KIZ: variants seen among roughly 807,000 people sequenced by gnomAD.
KIZ encodes centrosomal protein kizuna.
In KIZ, 68 loss-of-function variants were observed where a neutral mutation model predicts 79.6. The observed-to-expected ratio is 0.85, with a 90% confidence interval of 0.70 to 1.05. KIZ has a LOEUF of 1.05. Ranked by LOEUF, KIZ falls within the 50% of genes least tolerant of loss-of-function variation. KIZ has a pLI of 0.00. For missense variants in KIZ, 797 were observed against 800.4 expected (o/e 1.00, Z 0.05); for synonymous variants, 280 against 281.8 (o/e 0.99, Z 0.06).
At chr20:21,232,597 T>G in intron 10 of KIZ, 137 bp from the exon 11 acceptor site, 1 of 593,848 alleles carries the variant, frequency 1.7e-6, no homozygotes, top group Non-Finnish European at 3.1e-6. Flanking sequence ...AGAAGCTCCC[T>G]TGCCTTCTGT....
chr20:21,150,971 G>A (rs2033089766), intron 4 of KIZ: 1 of 152,238 alleles, frequency 6.6e-6, no homozygotes, highest in Non-Finnish European at 1.5e-5. Context: ...CCAAGGAGCT[G>A]GTGGGGAGTG....
chr20:21,207,378 CA>C (rs1293366662), intron 7 of KIZ, among the ~76,000 whole-genome samples: 1 of 152,078 alleles, frequency 6.6e-6, no homozygotes, highest in Non-Finnish European at 1.5e-5. Context: ...CCCATGCCCA[CA>C]ACCCAAATTC....
At chr20:21,141,925 CCTT>C (rs954911846) in intron 3 of KIZ, among the ~76,000 whole-genome samples, 1 of 151,074 alleles carries the variant, frequency 6.6e-6, no homozygotes, top group African/African-American at 2.4e-5. Context: ...CCCCCCTCCA[CCTT>C]CTCCTGCCAT....
Position 21,236,992 on chromosome 20 carries a change from T to C in KIZ, c.1880+4162T>C, listed in dbSNP as rs184656762. On this transcript the variant is annotated intron_variant, in intron 11 of 12. Transcript: ENST00000619189. Reference sequence around the variant, plus strand: ...TCATCTGGGCAATGGAGCAAGACTCTGTTTAAAAAAAAAAAAAAAAAAATG... The same window carrying C: ...TCATCTGGGCAATGGAGCAAGACTCCGTTTAAAAAAAAAAAAAAAAAAATG... 2.9e-3 allele frequency among the ~76,000 whole-genome samples: 430 copies of C among 145,984 alleles called. 2 individuals are homozygous for C. The highest frequency in any genetic ancestry group is 0.011 in the African/African-American group (424 of 39,098).
chr20:21,174,815 T>C (rs1261745466), intron 6 of KIZ, among the ~76,000 whole-genome samples: 1 of 152,230 alleles, frequency 6.6e-6, no homozygotes, highest in Non-Finnish European at 1.5e-5. Context: ...CTCTTCAAAG[T>C]TAAGTGTAGG....
At chr20:21,157,298 C>G (rs191728000) in intron 4 of KIZ, among the ~76,000 whole-genome samples, 67 of 152,138 alleles carry the variant, frequency 4.4e-4, no homozygotes, top group African/African-American at 1.5e-3. Flanking sequence ...TTAAGGGCCA[C>G]TTTTTTATAA....
At chr20:21,217,787 C>T (rs1460827758) in intron 9 of KIZ, among the ~76,000 whole-genome samples, 2 of 152,184 alleles carry the variant, frequency 1.3e-5, no homozygotes, top group African/African-American at 4.8e-5. Context: ...TTCATGTGAA[C>T]ATTATTAGTG....
intron 2 of KIZ, among the ~76,000 whole-genome samples, chr20:21,135,473 TAAAG>T (rs1298980384): frequency 2.0e-5 from 3 of 152,228 alleles, no homozygotes; most frequent in African/African-American, 7.2e-5. Flanking sequence ...ATTAACACGA[TAAAG>T]ACTTTCTTGA....
intron 6 of KIZ, among the ~76,000 whole-genome samples, chr20:21,172,073 T>C (rs2034231934): frequency 6.6e-6 from 1 of 152,226 alleles, no homozygotes; most frequent in Non-Finnish European, 1.5e-5. Context: ...ACTCCTTGCC[T>C]GCTTTCCTAA....
At chr20:21,206,780 G>A (rs1183901325) in intron 7 of KIZ, among the ~76,000 whole-genome samples, 1 of 152,150 alleles carries the variant, frequency 6.6e-6, no homozygotes, top group East Asian at 1.9e-4. Context: ...ATTGAAGGAG[G>A]GAGCCCTGCC....
intron 11 of KIZ, among the ~76,000 whole-genome samples, chr20:21,241,944 A>G (rs1238983508): frequency 1.3e-5 from 2 of 152,142 alleles, no homozygotes; most frequent in African/African-American, 2.4e-5. Flanking sequence ...CTGAAGTGCA[A>G]TATTGAATAG....
intron 11 of KIZ, among the ~76,000 whole-genome samples, chr20:21,234,456 C>T (rs1190978858): frequency 1.3e-5 from 2 of 151,566 alleles, no homozygotes; most frequent in Non-Finnish European, 2.9e-5. Flanking sequence ...GTGGGTTTGG[C>T]GTGCTGTTTG....
intron 4 of KIZ, among the ~76,000 whole-genome samples, chr20:21,156,398 C>T (rs1162194320): frequency 6.6e-6 from 1 of 151,966 alleles, no homozygotes; most frequent in Non-Finnish European, 1.5e-5. Context: ...CAGTCTTAGA[C>T]GTAGGGTTAT....
At position 21,162,236 on chromosome 20, in the gene KIZ, C is replaced by T; in HGVS notation, c.771C>T (p.Asn257=). ...CTCATTGCTTGGAGATAGGAAGTAA[C>T]ACACGTCATGGCAAGAGTAATTTAT... ...EQTHCLEIGS[N]TRHGKSNLSE... is the part of the protein sequence containing the mutation. Residue 257 remains asparagine, a synonymous_variant, in exon 5 of 13, where the codon AAC becomes AAT. Coordinates refer to ENST00000619189, the MANE Select transcript of KIZ (RefSeq NM_018474.6). 1 of 1,613,906 alleles carries T rather than the reference C, an allele frequency of 6.2e-7. No individual in the cohort carries two copies. Among genetic ancestry groups the T allele is most frequent in the Non-Finnish European group, 8.5e-7 (1 of 1,179,836 alleles).
chr20:21,127,463 T>C (rs940816138), intron 1 of KIZ, among the ~76,000 whole-genome samples: 1 of 152,248 alleles, frequency 6.6e-6, no homozygotes, highest in Admixed American at 6.5e-5. Flanking sequence ...ATAGTCCTTA[T>C]GGCACAATAA....
Position 21,163,328 on chromosome 20 carries a change from T to TCTTCTTTCTTTCCTTCCTCCCTTC in KIZ, c.1352+181_1352+204dup, listed in dbSNP as rs2033784203. Among the ~76,000 whole-genome samples, 6 of 152,346 alleles carry TCTTCTTTCTTTCCTTCCTCCCTTC rather than the reference T, an allele frequency of 3.9e-5. No homozygotes were observed. The South Asian group carries it at 1.2e-3, about 32-fold the overall frequency. Reference sequence around the variant, plus strand: ...ACCTAATTTTCTTTCTGTCCTTCTTTCTTCTTTCTTTCCTTCCTCCCTTCC... The same window carrying TCTTCTTTCTTTCCTTCCTCCCTTC: ...ACCTAATTTTCTTTCTGTCCTTCTTTCTTCTTTCTTTCCTTCCTCCCTTCCTTCTTTCTTTCCTTCCTCCCTTCC... On this transcript the variant is annotated intron_variant, in intron 6 of 12. Coordinates refer to ENST00000619189, the MANE Select transcript of KIZ (RefSeq NM_018474.6).
At chr20:21,199,041 T>C (rs1321347837) in intron 6 of KIZ, among the ~76,000 whole-genome samples, 4 of 152,186 alleles carry the variant, frequency 2.6e-5, no homozygotes, top group African/African-American at 9.7e-5. Context: ...ACCACAGTTG[T>C]GGTGTATAGC....
chr20:21,162,560 T>C (rs1484103028), intron 5 of KIZ, 53 bp downstream of exon 5: 6 of 1,359,586 alleles, frequency 4.4e-6, no homozygotes, highest in South Asian at 1.4e-5. Context: ...GTAGTGATCT[T>C]ATGTAAGGAC....
intron 4 of KIZ, among the ~76,000 whole-genome samples, chr20:21,152,271 A>G (rs1028745927): frequency 3.3e-5 from 5 of 152,186 alleles, no homozygotes; most frequent in African/African-American, 1.2e-4. Context: ...TCTCATTTCT[A>G]TAATTTAATA....
Sources: allele counts gnomAD v4.1 joint callset (sites outside exome capture counted in the v4.1 genomes callset), GRCh38; gene constraint gnomAD v4.1.1; transcripts MANE v1.5; gene names NCBI Gene and HGNC (gene_info 2026-07-23, HGNC 2026-07-21).